The following ZFP64 variants were observed in gnomAD, a reference collection of about 807,000 sequenced individuals.
ZFP64 encodes ZFP64 zinc finger protein.
In ZFP64, 14 loss-of-function variants were observed where a neutral mutation model predicts 51.6. That is an observed-to-expected ratio of 0.27 (90% CI 0.18 to 0.42). The LOEUF is 0.42. Among genes scored for constraint, ZFP64 ranks in the 10% least tolerant of loss-of-function variants. ZFP64 has a pLI of 1.00. For synonymous variants in ZFP64, 375 were observed against 361.4 expected, an observed-to-expected ratio of 1.04 and a Z score of -0.43; for missense variants, 754 against 906.8, an observed-to-expected ratio of 0.83 and a Z score of 2.16.
chr20:52,145,701 T>G (rs1324935482), intron 5 of ZFP64, among the ~76,000 whole-genome samples: 1 of 152,072 alleles, frequency 6.6e-6, no homozygotes, highest in African/African-American at 2.4e-5. Context: ...AAAAATATGG[T>G]GCACCTGTTT....
intron 5 of ZFP64, among the ~76,000 whole-genome samples, chr20:52,102,973 G>C (rs1457767095): frequency 6.6e-6 from 1 of 152,192 alleles, no homozygotes; most frequent in Non-Finnish European, 1.5e-5. Flanking sequence ...AAAAGTGAGA[G>C]AGAGGTGGGT....
chr20:52,177,098 T>C (rs1983284747), intron 2 of ZFP64, among the ~76,000 whole-genome samples: 1 of 144,420 alleles, frequency 6.9e-6, no homozygotes, highest in South Asian at 2.5e-4. Context: ...TGAGCACCTA[T>C]TGTGAACTAG....
At chr20:52,087,373 T>A (rs2078875753) in intron 8 of ZFP64, among the ~76,000 whole-genome samples, 1 of 152,210 alleles carries the variant, frequency 6.6e-6, no homozygotes, top group African/African-American at 2.4e-5. Flanking sequence ...TCCCGTAATC[T>A]CTGGGACATT....
rs1477535342 is a variant in ZFP64, at chr20:52,166,037, G to A, written c.287-12C>T. The stretch of plus-strand genomic sequence containing the variant: ...TTCTGGAGCTGAAACTAAAAGATAT[G>A]GTGATTATTAATTTTCTTAATATAA... On this transcript the variant is annotated splice_polypyrimidine_tract_variant and intron_variant, in intron 2 of 5. Transcript: ENST00000216923. The A allele has an allele frequency of 1.3e-6, 2 of 1,597,414 alleles. No individual in the cohort carries two copies. Among genetic ancestry groups the A allele is most frequent in the East Asian group, 4.5e-5 (2 of 44,670 alleles).
chr20:52,092,345 C>T (rs1018668024), intron 7 of ZFP64, among the ~76,000 whole-genome samples: 2 of 151,708 alleles, frequency 1.3e-5, no homozygotes, highest in Admixed American at 6.6e-5. Flanking sequence ...TTGTAACAAT[C>T]GAAGATGTCT....
At chr20:52,111,036 G>C in intron 5 of ZFP64, 1 of 1,402,668 alleles carries the variant, frequency 7.1e-7, no homozygotes, top group Non-Finnish European at 1.0e-6. Flanking sequence ...TGGTGTGCAG[G>C]CCGCTGCTGC....
chr20:52,156,088 A>G (rs1170871190), intron 5 of ZFP64, among the ~76,000 whole-genome samples: 1 of 152,220 alleles, frequency 6.6e-6, no homozygotes, highest in African/African-American at 2.4e-5. Flanking sequence ...ATCAAAATGA[A>G]CCATTTTCAT....
At chr20:52,097,034 C>T in intron 7 of ZFP64, 1 of 643,748 alleles carries the variant, frequency 1.6e-6, no homozygotes, top group Non-Finnish European at 3.0e-6. Context: ...CCATGGGCTG[C>T]AGTTTGTAAT....
intron 2 of ZFP64, among the ~76,000 whole-genome samples, chr20:52,185,605 A>G (rs72626583): frequency 0.17 from 24,542 of 141,936 alleles, 2,603 homozygotes; most frequent in South Asian, 0.24. Flanking sequence ...TTTGAGACGA[A>G]GTCTGGCTCT....
At position 52,191,024 on chromosome 20, in the gene ZFP64, T is replaced by C. The variant is rs1194140802; in HGVS notation, c.46+567A>G. On this transcript the variant is annotated intron_variant, in intron 1 of 5. Coordinates refer to ENST00000216923, the MANE Select transcript of ZFP64 (RefSeq NM_018197.3). The surrounding 1 kb of genome is among the most constrained non-coding windows in gnomAD (Gnocchi z 4.3). ...GAGAAACCAGGGACTTGAAAAACGC[T>C]GATGTCCTCCTCGGTTAAATAAAAA... 5.9e-5 allele frequency among the ~76,000 whole-genome samples: 9 copies of C among 152,150 alleles called. No homozygotes were observed. Among genetic ancestry groups the C allele is most frequent in the South Asian group, 2.1e-4 (1 of 4,822 alleles).
At chr20:52,098,379 G>A in intron 6 of ZFP64, 1 of 1,594,628 alleles carries the variant, frequency 6.3e-7, no homozygotes, top group Non-Finnish European at 8.6e-7. Flanking sequence ...GATTCACGTA[G>A]GGCTTGCAGA....
intron 2 of ZFP64, among the ~76,000 whole-genome samples, chr20:52,183,565 T>C (rs1983762246): frequency 6.6e-6 from 1 of 152,144 alleles, no homozygotes; most frequent in Admixed American, 6.5e-5. Context: ...GCAAAATAAT[T>C]AGGTCCTACC....
chr20:52,186,878 A>G lies in ZFP64; in HGVS notation c.240T>C (p.Thr80=). 1 of 1,613,514 alleles carries G rather than the reference A, an allele frequency of 6.2e-7. No homozygotes were observed. Among genetic ancestry groups the G allele is most frequent in the South Asian group, 1.1e-5 (1 of 91,060 alleles). Residue 80 remains threonine, a synonymous_variant, in exon 2 of 6, where the codon ACT becomes ACC. Transcript: ENST00000216923. ...VSEETVPATQ[T]QTTTRTITSE... ...AGGTGATGGTTCTGGTGGTGGTCTG[A>G]GTCTGGGTGGCAGGCACTGTTTCCT...
intron 7 of ZFP64, among the ~76,000 whole-genome samples, chr20:52,090,576 A>G (rs1248642416): frequency 6.6e-6 from 1 of 152,008 alleles, no homozygotes; most frequent in Non-Finnish European, 1.5e-5. Flanking sequence ...CAAGGTGGGC[A>G]GATCATGAAG....
chr20:52,149,524 C>T (rs182527813), downstream of ZFP64, among the ~76,000 whole-genome samples: 1,009 of 152,156 alleles, frequency 6.6e-3, 14 homozygotes, highest in African/African-American at 0.023. Flanking sequence ...CTAGGAAAAA[C>T]CTTTTCTATG....
At chr20:52,088,421 T>A (rs1354362520) in exon 8 of ZFP64, 2 of 1,613,726 alleles carry the variant, frequency 1.2e-6, no homozygotes, top group South Asian at 1.1e-5. Context: ...GACGGTGAGC[T>A]GGCTGGAGTT....
intron 7 of ZFP64, chr20:52,088,754 A>C: frequency 7.3e-7 from 1 of 1,364,192 alleles, no homozygotes; most frequent in East Asian, 2.3e-5. Flanking sequence ...TCCTGTCCAA[A>C]TACTGAGAGA....
intron 5 of ZFP64, among the ~76,000 whole-genome samples, chr20:52,099,979 G>A (rs2079033287): frequency 6.6e-6 from 1 of 152,172 alleles, no homozygotes; most frequent in South Asian, 2.1e-4. Flanking sequence ...AGGAAAAAAG[G>A]TCCCATCAAG....
Position 52,112,728 on chromosome 20 carries a change from T to C in ZFP64, c.764-14141A>G, listed in dbSNP as rs1315644010. Among the ~76,000 whole-genome samples the C allele has an allele frequency of 2.6e-5, 4 of 151,862 alleles. No homozygotes were observed. In the East Asian group the frequency reaches 5.9e-4, roughly 22 times the overall value. On this transcript the variant is annotated intron_variant, in intron 5 of 8. Transcript: ENST00000361387. ...TTCCAGGTCTCAAGAGATCCTCCCATCTTAGCCTCCCGAGTGGCTGGGACT... is the reference window on the plus strand; with the variant it reads ...TTCCAGGTCTCAAGAGATCCTCCCACCTTAGCCTCCCGAGTGGCTGGGACT...
Sources: allele counts gnomAD v4.1 joint callset (sites outside exome capture counted in the v4.1 genomes callset), GRCh38; gene constraint gnomAD v4.1.1; non-coding constraint Gnocchi (gnomAD v3.1); transcripts MANE v1.5; gene names NCBI Gene and HGNC (gene_info 2026-07-23, HGNC 2026-07-21).